The following LONP1 variants were observed in gnomAD, a reference collection of about 807,000 sequenced individuals.
LONP1 encodes lon peptidase 1, mitochondrial.
In LONP1, 31 loss-of-function variants were observed where a neutral mutation model predicts 98.5. That is an observed-to-expected ratio of 0.31 (90% confidence interval 0.24 to 0.42). The LOEUF is 0.42. Among genes scored for constraint, LONP1 ranks in the 20% least tolerant of loss-of-function variants. The probability of loss-of-function intolerance (pLI) is 1.00; values close to 1 mark genes in which losing one functional copy is unlikely to be tolerated. For synonymous variants in LONP1, 781 were observed against 594.7 expected (o/e 1.31, Z -4.56); for missense variants, 1,336 against 1,350.6 (o/e 0.99, Z 0.17).
chr19:5,701,508 T>A (rs555505636), intron 8 of LONP1, among the ~76,000 whole-genome samples: 2 of 152,278 alleles, frequency 1.3e-5, no homozygotes, highest in South Asian at 4.1e-4. Flanking sequence ...TTTTCCTATT[T>A]TTTTGGTGGA....
At position 5,713,116 on chromosome 19, in the gene LONP1, C is replaced by T; in HGVS notation, c.638+18G>A. ...GTACTCTGCCCCCACCTCCCACTGT[C>T]CCCCGCCAGCCACCCACCTTCTGTG... On this transcript the variant is annotated intron_variant, in intron 3 of 17. Coordinates refer to ENST00000360614, the MANE Select transcript of LONP1 (RefSeq NM_004793.4). 6.2e-7 allele frequency: 1 copy of T among 1,612,694 alleles called. No homozygotes were observed. The highest frequency in any genetic ancestry group is 2.2e-5 in the East Asian group (1 of 44,814).
At chr19:5,707,580 A>G in intron 6 of LONP1, 117 bp downstream of exon 6, 2 of 1,110,790 alleles carry the variant, frequency 1.8e-6, no homozygotes, top group Non-Finnish European at 2.6e-6. Flanking sequence ...GTGGAGGGAC[A>G]AGGGCAGCCA....
chr19:5,711,648 C>G (rs772812061), intron 4 of LONP1, 123 bp downstream of exon 4: 33 of 755,972 alleles, frequency 4.4e-5, no homozygotes, highest in Non-Finnish European at 5.8e-5. Context: ...GAGTTCCAGA[C>G]AGGCCAGACC....
At chr19:5,708,002 G>A (rs570559373) in intron 5 of LONP1, 176 bp from the exon 6 acceptor site, 38 of 734,138 alleles carry the variant, frequency 5.2e-5, no homozygotes, top group African/African-American at 5.0e-4. Flanking sequence ...GGGCCCACCC[G>A]TCCTGGGCTG....
chr19:5,704,220 T>C (rs1318372477), intron 8 of LONP1, among the ~76,000 whole-genome samples: 1 of 151,906 alleles, frequency 6.6e-6, no homozygotes. Flanking sequence ...CTCCAGATAC[T>C]GGGAAAGGCA....
chr19:5,699,899 C>G (rs2055010621), intron 9 of LONP1, among the ~76,000 whole-genome samples: 1 of 151,934 alleles, frequency 6.6e-6, no homozygotes, highest in African/African-American at 2.4e-5. Flanking sequence ...ACCTGCCTGC[C>G]TGGTTTCCAA....
chr19:5,700,855 C>T lies in LONP1; in HGVS notation c.1440G>A (p.Leu480=), dbSNP rs764285479. 6 of 1,614,126 alleles carry T rather than the reference C, an allele frequency of 3.7e-6. No homozygotes were observed. The highest frequency in any genetic ancestry group is 1.7e-5 in the Admixed American group (1 of 60,010). ...CCTCCAGCACTGCCTGTGCCCGCGCCAGGTCCAGGTTCTCGTTGCTGTACT... is the reference window on the plus strand; with the variant it reads ...CCTCCAGCACTGCCTGTGCCCGCGCTAGGTCCAGGTTCTCGTTGCTGTACT... The part of the protein sequence containing the change: ...WGKYSNENLD[L]ARAQAVLEED... The change falls in exon 9 of 18, where the codon CTG becomes CTA. Residue 480 remains leucine, a synonymous_variant. Transcript: ENST00000360614.
chr19:5,697,315 T>C (rs1350701255), intron 10 of LONP1, among the ~76,000 whole-genome samples: 3 of 151,600 alleles, frequency 2.0e-5, no homozygotes, highest in East Asian at 3.9e-4. Context: ...TGTGACACTT[T>C]AAGTGTGCAG....
At chr19:5,694,610 G>A (rs1212554457) in intron 14 of LONP1, 58 bp from the exon 15 acceptor site, 2 of 1,586,862 alleles carry the variant, frequency 1.3e-6, no homozygotes, top group East Asian at 2.3e-5. Context: ...GTGCGGGGTG[G>A]TGGGGTGACG....
At chr19:5,703,133 A>C (rs562596722) in intron 8 of LONP1, among the ~76,000 whole-genome samples, 199 of 149,502 alleles carry the variant, frequency 1.3e-3, no homozygotes, top group Middle Eastern at 7.1e-3. Flanking sequence ...GTGAGCCGAG[A>C]TCGTGCCACT....
At chr19:5,706,844 G>A (rs1008616718) in intron 7 of LONP1, among the ~76,000 whole-genome samples, 1 of 152,224 alleles carries the variant, frequency 6.6e-6, no homozygotes, top group African/African-American at 2.4e-5. Flanking sequence ...TCATTACACT[G>A]GGACCAGCTT....
chr19:5,700,073 G>A lies in LONP1; in HGVS notation c.1506+716C>T, dbSNP rs568746146. Among the ~76,000 whole-genome samples the A allele has an allele frequency of 1.1e-4, 17 of 152,166 alleles. No homozygotes were observed. In the South Asian group the frequency reaches 2.9e-3, roughly 26 times the overall value. On this transcript the variant is annotated intron_variant, in intron 9 of 17. Coordinates refer to ENST00000360614, the MANE Select transcript of LONP1 (RefSeq NM_004793.4). ...CCCACCTCAGCCTCCCAAGTAGCTG[G>A]GACTGCAGACACGCAACATCACACC...
chr19:5,707,477 C>A lies in LONP1; in HGVS notation c.1062+220G>T, dbSNP rs145439645. On this transcript the variant is annotated intron_variant, in intron 6 of 17. Coordinates refer to ENST00000360614, the MANE Select transcript of LONP1 (RefSeq NM_004793.4). Reference sequence around the variant, plus strand: ...CTCCCAACCGAAGGCTATGAAGCCACCGAAAGGCGGATGGATGTGGACCAA... The same window carrying A: ...CTCCCAACCGAAGGCTATGAAGCCAACGAAAGGCGGATGGATGTGGACCAA... Among the ~76,000 whole-genome samples, 138 of 152,270 alleles carry A rather than the reference C, an allele frequency of 9.1e-4. No homozygotes were observed. In the East Asian group the frequency reaches 0.026, roughly 29 times the overall value.
rs1232876840 is a variant in LONP1 at position 5,700,881 on chromosome 19, T to C, written c.1414A>G (p.Lys472Glu). 3 of 1,614,188 alleles carry C rather than the reference T, an allele frequency of 1.9e-6. No individual in the cohort carries two copies. The highest frequency in any genetic ancestry group is 2.5e-6 in the Non-Finnish European group (3 of 1,180,024). The change falls in exon 9 of 18, where the codon AAG becomes GAG. Residue 472 changes from lysine (K) to glutamate (E), a missense_variant. Around this residue, in one of 5 missense-constraint regions of LONP1, gnomAD observed 219 missense variants for 241.0 expected, o/e 0.91. Transcript: ENST00000360614. ...AGGTCCAGGTTCTCGTTGCTGTACT[T>C]GCCCCAAGGGATGGACGTGAGCCAG... ...LDWLTSIPWG[K>E]YSNENLDLAR... is the part of the protein sequence containing the mutation.
At chr19:5,696,905 C>G in intron 10 of LONP1, 148 bp from the exon 11 acceptor site, 1 of 613,310 alleles carries the variant, frequency 1.6e-6, no homozygotes, top group Non-Finnish European at 2.9e-6. Flanking sequence ...CTGGCAGCCG[C>G]CGGATGTGTG....
Position 5,694,744 on chromosome 19 carries a change from G to C in LONP1, c.2154+17C>G. 4 of 1,584,422 alleles carry C rather than the reference G, an allele frequency of 2.5e-6. No individual in the cohort carries two copies. Among genetic ancestry groups the C allele is most frequent in the Middle Eastern group, 2.0e-4 (1 of 5,026 alleles). On this transcript the variant is annotated intron_variant, in intron 14 of 17. Coordinates refer to ENST00000360614, the MANE Select transcript of LONP1 (RefSeq NM_004793.4). ...GAGGTGGGCGGCAGGTGCCAGGAGG[G>C]CGGGCTGGCCGCTCACCTTCTCCAC...
chr19:5,693,961 C>T (rs546445985), intron 15 of LONP1, among the ~76,000 whole-genome samples, 192 bp from the exon 16 acceptor site: 26 of 152,288 alleles, frequency 1.7e-4, no homozygotes, highest in African/African-American at 5.8e-4. Context: ...TGGCTCTGTA[C>T]GCCCCACAGG....
chr19:5,719,279 A>G (rs2055382993), intron 1 of LONP1, among the ~76,000 whole-genome samples: 2 of 152,166 alleles, frequency 1.3e-5, no homozygotes. Context: ...AGCAATCAAG[A>G]AGTATTTGTC....
At chr19:5,701,162 C>T (rs1182064662) in intron 8 of LONP1, among the ~76,000 whole-genome samples, 3 of 152,062 alleles carry the variant, frequency 2.0e-5, no homozygotes, top group African/African-American at 7.2e-5. Flanking sequence ...AAACAATTTA[C>T]AGGCCAGGCA....
Sources: allele counts gnomAD v4.1 joint callset (sites outside exome capture counted in the v4.1 genomes callset), GRCh38; gene constraint gnomAD v4.1.1; regional missense constraint gnomAD v4.1.1; transcripts MANE v1.5; gene names NCBI Gene and HGNC (gene_info 2026-07-23, HGNC 2026-07-21).